The following TRPC7 variants were observed in gnomAD, a reference collection of about 807,000 sequenced individuals.
The protein encoded by TRPC7 is transient receptor potential cation channel subfamily C member 7.
A neutral mutation model predicts 90.1 loss-of-function variants in TRPC7; 42 were observed. That is an observed-to-expected ratio of 0.47 (90% confidence interval 0.36 to 0.60). The LOEUF is 0.60. TRPC7 is among the 20% of genes least tolerant of loss of function. The probability of loss-of-function intolerance (pLI) is 0.00; values close to 1 mark genes in which losing one functional copy is unlikely to be tolerated. For synonymous variants in TRPC7, 451 were observed against 436.3 expected, an observed-to-expected ratio of 1.03 and a Z score of -0.42; for missense variants, 955 against 1,112.3, an observed-to-expected ratio of 0.86 and a Z score of 2.01.
intron 8 of TRPC7, 56 bp from the exon 9 acceptor site, chr5:136,226,311 G>C (rs1755629862): frequency 7.6e-7 from 1 of 1,318,082 alleles, no homozygotes; most frequent in South Asian, 1.3e-5. Context: ...TAACAACGGA[G>C]CCCAACCTGA....
chr5:136,365,400 T>G lies in TRPC7; in HGVS notation c.-146A>C, dbSNP rs1444341945. 2.4e-6 allele frequency: 2 copies of G among 833,648 alleles called. No individual in the cohort carries two copies. Among genetic ancestry groups the G allele is most frequent in the Non-Finnish European group, 3.8e-6 (2 of 522,754 alleles). The allele number at this position is 833,648 out of a possible 1,614,324, so 51.6% of individuals were successfully genotyped here. A position where few individuals can be genotyped will look rare whatever the true frequency, so the allele number is the denominator to read the frequency against. On this transcript the variant is annotated 5_prime_UTR_variant, in exon 1 of 12. Coordinates refer to ENST00000513104, the MANE Select transcript of TRPC7 (RefSeq NM_020389.3). ...TATAGAGCTGGTCAAGTGAGTTAAG[T>G]TGCAACGATGTGAAAGCGCGCTCCT...
chr5:136,273,431 T>C (rs1757266443), intron 4 of TRPC7, among the ~76,000 whole-genome samples: 1 of 152,188 alleles, frequency 6.6e-6, no homozygotes, highest in African/African-American at 2.4e-5. Context: ...AGATGTAAGG[T>C]TGAATACTGT....
intron 3 of TRPC7, among the ~76,000 whole-genome samples, chr5:136,282,966 G>T (rs906367248): frequency 6.9e-6 from 1 of 145,974 alleles, no homozygotes; most frequent in Non-Finnish European, 1.6e-5. Flanking sequence ...CTGGACGACA[G>T]GGGATTGTTT....
intron 2 of TRPC7, among the ~76,000 whole-genome samples, chr5:136,340,058 A>G (rs1182286668): frequency 6.6e-6 from 1 of 152,198 alleles, no homozygotes; most frequent in Non-Finnish European, 1.5e-5. Flanking sequence ...TAGTGAAGAC[A>G]AGGAGAAAAC....
chr5:136,353,605 T>C (rs937732039), intron 2 of TRPC7, among the ~76,000 whole-genome samples: 1 of 152,188 alleles, frequency 6.6e-6, no homozygotes, highest in Non-Finnish European at 1.5e-5. Context: ...TCTGAGAAGA[T>C]TTATAATGTC....
At chr5:136,300,866 CAT>C (rs956620522) in intron 3 of TRPC7, among the ~76,000 whole-genome samples, 1 of 152,200 alleles carries the variant, frequency 6.6e-6, no homozygotes, top group Admixed American at 6.5e-5. Flanking sequence ...GCATGCAGGG[CAT>C]GTACTGTTCT....
intron 2 of TRPC7, among the ~76,000 whole-genome samples, chr5:136,356,052 TC>T (rs1283879230): frequency 6.6e-6 from 1 of 152,170 alleles, no homozygotes; most frequent in African/African-American, 2.4e-5. Context: ...ACAGTTTCAT[TC>T]TTATTTTCTT....
At chr5:136,263,435 C>T (rs1756922114) in intron 5 of TRPC7, among the ~76,000 whole-genome samples, 1 of 152,176 alleles carries the variant, frequency 6.6e-6, no homozygotes, top group African/African-American at 2.4e-5. Context: ...AATTACCAAA[C>T]ATTTCAAGAT....
At chr5:136,222,039 A>C (rs1755477852) in intron 10 of TRPC7, 1 of 152,152 alleles carries the variant, frequency 6.6e-6, no homozygotes, top group African/African-American at 2.4e-5. Flanking sequence ...TGGCCATCTC[A>C]CCAGTATCAT....
chr5:136,289,308 G>A (rs1757846137), intron 3 of TRPC7, among the ~76,000 whole-genome samples: 2 of 152,206 alleles, frequency 1.3e-5, no homozygotes, highest in African/African-American at 4.8e-5. Flanking sequence ...CAGACAGTGG[G>A]TGCAGTGCAC....
intron 9 of TRPC7, 51 bp downstream of exon 9, chr5:136,225,983 C>T: frequency 6.7e-7 from 1 of 1,487,550 alleles, no homozygotes; most frequent in Non-Finnish European, 9.2e-7. Flanking sequence ...TCTAGACTCG[C>T]CTGCCCCCTC....
At chr5:136,265,976 A>G (rs187889536) in intron 5 of TRPC7, among the ~76,000 whole-genome samples, 2 of 152,282 alleles carry the variant, frequency 1.3e-5, no homozygotes, top group Admixed American at 6.5e-5. Flanking sequence ...AATGTTCAAT[A>G]TATGTACTTA....
chr5:136,278,503 T>C (rs1757443867), intron 3 of TRPC7, among the ~76,000 whole-genome samples: 1 of 152,216 alleles, frequency 6.6e-6, no homozygotes, highest in Non-Finnish European at 1.5e-5. Context: ...GATGAACAGA[T>C]AAATGATTGA....
intron 3 of TRPC7, among the ~76,000 whole-genome samples, chr5:136,306,318 C>T (rs2149834607): frequency 6.6e-6 from 1 of 152,278 alleles, no homozygotes; most frequent in African/African-American, 2.4e-5. Context: ...AAACCATATC[C>T]AGGCCATCAC....
chr5:136,299,049 C>T (rs1374883960), intron 3 of TRPC7, among the ~76,000 whole-genome samples: 2 of 151,946 alleles, frequency 1.3e-5, no homozygotes, highest in Non-Finnish European at 2.9e-5. Context: ...CTTGTAATCC[C>T]AGCAATTTGG....
chr5:136,289,328 G>A (rs1328807264), intron 3 of TRPC7, among the ~76,000 whole-genome samples: 1 of 152,246 alleles, frequency 6.6e-6, no homozygotes, highest in Non-Finnish European at 1.5e-5. Flanking sequence ...CCATGCGTGA[G>A]CCGAAGCAGG....
intron 3 of TRPC7, among the ~76,000 whole-genome samples, chr5:136,290,504 C>T (rs558080357): frequency 1.8e-4 from 27 of 152,276 alleles, no homozygotes; most frequent in Non-Finnish European, 3.4e-4. Context: ...GCGCAAGCCT[C>T]AGTAACTGAT....
rs75017143 is a variant in TRPC7, at chr5:136,333,369, T to C, written c.781-17590A>G. The stretch of plus-strand genomic sequence containing the variant: ...CACAGAGGCACAAAAACATGATATA[T>C]GATTATACAGGGAACTATGCAAGTA... On this transcript the variant is annotated intron_variant, in intron 2 of 11. Coordinates refer to ENST00000513104, the MANE Select transcript of TRPC7 (RefSeq NM_020389.3). Among the ~76,000 whole-genome samples the C allele has an allele frequency of 9.1e-4, 139 of 152,188 alleles. 1 individual carries two copies. The highest frequency in any genetic ancestry group is 3.0e-3 in the African/African-American group (123 of 41,512).
chr5:136,295,831 T>C (rs1758150611), intron 3 of TRPC7, among the ~76,000 whole-genome samples: 1 of 152,232 alleles, frequency 6.6e-6, no homozygotes. Flanking sequence ...ACCTCCAAAA[T>C]GACGGATATA....
Sources: gnomAD v4.1 joint callset for allele counts (sites outside exome capture counted in the v4.1 genomes callset) on GRCh38, gnomAD v4.1.1 for gene constraint, MANE v1.5 for transcripts, NCBI Gene and HGNC (gene_info 2026-07-23, HGNC 2026-07-21) for gene names.